ATP2C1: variants seen among roughly 807,000 people sequenced by gnomAD.
The protein encoded by ATP2C1 is calcium-transporting ATPase type 2C member 1.
A neutral mutation model predicts 120.5 loss-of-function variants in ATP2C1; 31 were observed. The ratio of observed to expected loss-of-function variants is 0.26; its 90% CI spans 0.19 to 0.35. The LOEUF is 0.35. Among genes scored for constraint, ATP2C1 ranks in the 10% least tolerant of loss-of-function variants. The pLI, the probability that ATP2C1 is intolerant of heterozygous loss-of-function variation, is 1.00. For missense variants in ATP2C1, 731 were observed against 1,107.5 expected, an observed-to-expected ratio of 0.66 and a Z score of 4.83; for synonymous variants, 351 against 358.7, an observed-to-expected ratio of 0.98 and a Z score of 0.24.
intron 2 of ATP2C1, among the ~76,000 whole-genome samples, chr3:130,905,044 A>G (rs989929737): frequency 6.6e-6 from 1 of 151,820 alleles, no homozygotes; most frequent in Non-Finnish European, 1.5e-5. Flanking sequence ...GTATCACATG[A>G]TGTTCTGGGT....
At chr3:130,879,001 C>G (rs1386173957) in intron 1 of ATP2C1, among the ~76,000 whole-genome samples, 1 of 152,138 alleles carries the variant, frequency 6.6e-6, no homozygotes, top group Non-Finnish European at 1.5e-5. Context: ...CATACACTTT[C>G]TAGCTATTTG....
downstream of ATP2C1, among the ~76,000 whole-genome samples, chr3:131,006,464 A>C (rs533147270): frequency 2.6e-5 from 4 of 152,170 alleles, no homozygotes; most frequent in South Asian, 8.3e-4. Context: ...CTAGCCTCAT[A>C]TCCTACACAA....
intron 8 of ATP2C1, among the ~76,000 whole-genome samples, chr3:130,949,617 ACAG>A (rs1461382401): frequency 6.6e-6 from 1 of 151,978 alleles, no homozygotes; most frequent in African/African-American, 2.4e-5. Context: ...TGTAGATGAA[ACAG>A]CTGTATCTTC....
At chr3:130,951,774 T>C (rs2060378362) in intron 8 of ATP2C1, among the ~76,000 whole-genome samples, 1 of 152,188 alleles carries the variant, frequency 6.6e-6, no homozygotes, top group African/African-American at 2.4e-5. Flanking sequence ...AAAGTCTAAA[T>C]GACTATTGAT....
chr3:130,872,557 A>G (rs762190188), intron 1 of ATP2C1, among the ~76,000 whole-genome samples: 4 of 151,388 alleles, frequency 2.6e-5, no homozygotes, highest in Non-Finnish European at 5.9e-5. Flanking sequence ...TCATGAGACT[A>G]CACTCCCATT....
upstream of ATP2C1, among the ~76,000 whole-genome samples, chr3:130,891,751 A>C (rs1426018331): frequency 6.6e-6 from 1 of 152,174 alleles, no homozygotes; most frequent in Non-Finnish European, 1.5e-5. Context: ...TTTTGAAAGA[A>C]GGCTAGTGTG....
chr3:130,883,629 T>C (rs1196030202), intron 1 of ATP2C1, among the ~76,000 whole-genome samples: 1 of 152,132 alleles, frequency 6.6e-6, no homozygotes, highest in African/African-American at 2.4e-5. Context: ...CTTTTGTCTC[T>C]TTAGTAGAGA....
intron 17 of ATP2C1, among the ~76,000 whole-genome samples, chr3:130,970,005 G>A (rs539559676): frequency 1.3e-5 from 2 of 152,270 alleles, no homozygotes; most frequent in South Asian, 2.1e-4. Context: ...GCTTGATGAT[G>A]AAACTTAACT....
intron 5 of ATP2C1, among the ~76,000 whole-genome samples, chr3:130,935,090 C>A (rs985975681): frequency 1.3e-5 from 2 of 152,128 alleles, no homozygotes; most frequent in Admixed American, 6.5e-5. Flanking sequence ...ACCTTGACCT[C>A]CCCAAAGTGT....
At chr3:130,894,057 C>T (rs941203718), upstream of ATP2C1, 2 of 985,308 alleles carry the variant, frequency 2.0e-6, no homozygotes, top group Non-Finnish European at 2.4e-6. This position sits in a 1 kb window ranked among gnomAD's most constrained non-coding sequence, Gnocchi z 4.5. Context: ...CGGGGAGGGG[C>T]GGAGCGCAGG....
intron 8 of ATP2C1, among the ~76,000 whole-genome samples, chr3:130,952,589 C>T (rs1458113736): frequency 6.6e-6 from 1 of 152,200 alleles, no homozygotes; most frequent in Middle Eastern, 3.4e-3. Flanking sequence ...ACTGACTCAG[C>T]CTAAAATATC....
chr3:130,875,849 A>G (rs1404358224), intron 1 of ATP2C1, among the ~76,000 whole-genome samples: 1 of 144,684 alleles, frequency 6.9e-6, no homozygotes, highest in Non-Finnish European at 1.5e-5. Flanking sequence ...CGTGGTTTTG[A>G]TTTGCATTTC....
chr3:130,980,757 C>A, intron 20 of ATP2C1, 78 bp downstream of exon 20: 1 of 1,097,114 alleles, frequency 9.1e-7, no homozygotes, highest in Non-Finnish European at 1.4e-6. Context: ...CTTAATGAAA[C>A]TGTTTAATTG....
chr3:130,932,229 G>A, intron 4 of ATP2C1, 91 bp downstream of exon 4: 2 of 839,524 alleles, frequency 2.4e-6, no homozygotes, highest in Non-Finnish European at 4.0e-6. Flanking sequence ...TACTGTTTAT[G>A]GAGAAAGGAA....
At chr3:130,872,130 A>G (rs981840894) in intron 1 of ATP2C1, among the ~76,000 whole-genome samples, 1 of 152,198 alleles carries the variant, frequency 6.6e-6, no homozygotes, top group African/African-American at 2.4e-5. Context: ...AAAGTGATGT[A>G]GCAACTGAGA....
intron 2 of ATP2C1, among the ~76,000 whole-genome samples, chr3:130,913,786 A>G (rs2058556876): frequency 6.6e-6 from 1 of 152,168 alleles, no homozygotes; most frequent in Admixed American, 6.5e-5. Context: ...GGATGACCTG[A>G]CTAATTTAAA....
intron 1 of ATP2C1, among the ~76,000 whole-genome samples, chr3:130,888,490 A>C (rs573455012): frequency 6.6e-5 from 10 of 152,280 alleles, no homozygotes; most frequent in Non-Finnish European, 1.5e-4. Flanking sequence ...GGCTTGCCAA[A>C]AAACTCAAGT....
chr3:130,933,277 C>G (rs1447565042), intron 4 of ATP2C1, among the ~76,000 whole-genome samples: 3 of 152,064 alleles, frequency 2.0e-5, no homozygotes, highest in Admixed American at 2.0e-4. Context: ...TTCTTTATTC[C>G]TCTGCAGCCT....
chr3:130,910,262 G>C (rs2058337082), intron 2 of ATP2C1, among the ~76,000 whole-genome samples: 2 of 151,064 alleles, frequency 1.3e-5, no homozygotes, highest in East Asian at 3.9e-4. Flanking sequence ...TGTTCTTGGT[G>C]TATAAGAATG....
Sources: allele counts gnomAD v4.1 joint callset (sites outside exome capture counted in the v4.1 genomes callset), GRCh38; gene constraint gnomAD v4.1.1; non-coding constraint Gnocchi (gnomAD v3.1); transcripts MANE v1.5; gene names NCBI Gene and HGNC (gene_info 2026-07-23, HGNC 2026-07-21).